LMNB1: variants seen among roughly 807,000 people sequenced by gnomAD.
LMNB1 encodes lamin-B1.
A neutral mutation model predicts 67.1 loss-of-function variants in LMNB1; 23 were observed. The ratio of observed to expected loss-of-function variants is 0.34; its 90% CI spans 0.25 to 0.49. The LOEUF (loss-of-function observed/expected upper bound fraction) is 0.49. LMNB1 is among the 20% of genes least tolerant of loss of function. The probability of loss-of-function intolerance (pLI) is 0.99; values close to 1 mark genes in which losing one functional copy is unlikely to be tolerated. For missense variants in LMNB1, 634 were observed against 746.5 expected, an observed-to-expected ratio of 0.85 and a Z score of 1.76; for synonymous variants, 281 against 282.9, an observed-to-expected ratio of 0.99 and a Z score of 0.07.
At chr5:126,778,274 C>G (rs1402915371) in intron 1 of LMNB1, among the ~76,000 whole-genome samples, 1 of 152,024 alleles carries the variant, frequency 6.6e-6, no homozygotes, top group Non-Finnish European at 1.5e-5. Context: ...AGTTTCCGGC[C>G]GGCGCGAGAC....
At chr5:126,805,908 G>A (rs1464229817) in intron 3 of LMNB1, among the ~76,000 whole-genome samples, 3 of 152,172 alleles carry the variant, frequency 2.0e-5, no homozygotes, top group Admixed American at 6.5e-5. Flanking sequence ...AACTCAAGCT[G>A]TTACCGTAAA....
At position 126,804,778 on chromosome 5, in the gene LMNB1, A is replaced by G; in HGVS notation, c.362A>G (p.Tyr121Cys). 1 of 1,613,748 alleles carries G rather than the reference A, an allele frequency of 6.2e-7. No individual in the cohort carries two copies. Among genetic ancestry groups the G allele is most frequent in the Non-Finnish European group, 8.5e-7 (1 of 1,179,830 alleles). ...TATGCTTTTTAAATCTGTTCCAGCTATGCTAAGAAGGAATCTGATCTTAAT... is the reference window on the plus strand; with the variant it reads ...TATGCTTTTTAAATCTGTTCCAGCTGTGCTAAGAAGGAATCTGATCTTAAT... ...KAEHDQLLLN[Y>C]AKKESDLNGA... Residue 121 changes from tyrosine (Y) to cysteine (C), a missense_variant and splice_region_variant, in exon 2 of 11, where the codon TAT (tyrosine) becomes TGT (cysteine). Transcript: ENST00000261366.
intron 9 of LMNB1, among the ~76,000 whole-genome samples, chr5:126,831,442 G>A (rs1244387577): frequency 6.6e-6 from 1 of 152,234 alleles, no homozygotes; most frequent in Non-Finnish European, 1.5e-5. Flanking sequence ...AATGGAAATA[G>A]TTGCTTTCTG....
At chr5:126,802,847 A>G (rs1231721103) in intron 1 of LMNB1, among the ~76,000 whole-genome samples, 1 of 152,170 alleles carries the variant, frequency 6.6e-6, no homozygotes, top group Non-Finnish European at 1.5e-5. Flanking sequence ...AATATATCCA[A>G]ATGAACTATA....
intron 9 of LMNB1, among the ~76,000 whole-genome samples, chr5:126,830,254 C>T (rs969999925): frequency 1.3e-5 from 2 of 152,224 alleles, no homozygotes; most frequent in Non-Finnish European, 2.9e-5. Context: ...CTGCACAGAT[C>T]AGTGCACCTT....
rs1476471948 is a variant in LMNB1, at chr5:126,820,831, GT to G, written c.1161-72del. On this transcript the variant is annotated intron_variant, in intron 6 of 10. Transcript: ENST00000261366. ...ACATGAGCCTCTGTGCCCAGCCCTT[GT>G]TTTTTTGTTTTTTTTTTTTTTAAGG... The G allele has an allele frequency of 1.5e-5, 16 of 1,098,968 alleles. No individual in the cohort carries two copies. In the African/African-American group the frequency reaches 1.7e-4, roughly 12 times the overall value. The allele number at this position is 1,098,968 out of a possible 1,614,324, so 68.1% of individuals were successfully genotyped here. A position where few individuals can be genotyped will look rare whatever the true frequency, so the allele number is the denominator to read the frequency against.
At chr5:126,835,938 C>A (rs939599179) in intron 10 of LMNB1, among the ~76,000 whole-genome samples, 6 of 152,062 alleles carry the variant, frequency 3.9e-5, no homozygotes, top group African/African-American at 1.4e-4. Flanking sequence ...CGCAGCTGCT[C>A]GGGAGGCTGA....
intron 4 of LMNB1, among the ~76,000 whole-genome samples, chr5:126,810,749 A>G (rs1003070747): frequency 1.3e-5 from 2 of 152,226 alleles, no homozygotes; most frequent in African/African-American, 4.8e-5. Context: ...CTTTCATGTC[A>G]TCATTGTGCA....
intron 1 of LMNB1, among the ~76,000 whole-genome samples, chr5:126,792,678 G>A (rs1197371518): frequency 6.8e-6 from 1 of 148,090 alleles, no homozygotes; most frequent in Non-Finnish European, 1.5e-5. Flanking sequence ...CCAGGTTCAA[G>A]CGTTTCTCCT....
intron 10 of LMNB1, among the ~76,000 whole-genome samples, chr5:126,834,258 C>G (rs1027394146): frequency 2.0e-5 from 3 of 151,150 alleles, no homozygotes; most frequent in Non-Finnish European, 2.9e-5. Context: ...CAGGCTGGAG[C>G]GCAGTGGCGC....
intron 10 of LMNB1, among the ~76,000 whole-genome samples, chr5:126,834,536 G>T (rs1000926874): frequency 5.9e-5 from 9 of 152,252 alleles, no homozygotes; most frequent in Admixed American, 5.9e-4. Flanking sequence ...CCACCTGTTG[G>T]TGGGAGGAAT....
chr5:126,796,237 A>G (rs1751088738), intron 1 of LMNB1, among the ~76,000 whole-genome samples: 2 of 152,012 alleles, frequency 1.3e-5, no homozygotes, highest in African/African-American at 4.8e-5. Context: ...CCCTGGATGC[A>G]TTTTTTAATC....
chr5:126,830,087 C>T (rs1228967647), intron 9 of LMNB1, among the ~76,000 whole-genome samples: 1 of 152,218 alleles, frequency 6.6e-6, no homozygotes, highest in African/African-American at 2.4e-5. Context: ...AATCATCTTT[C>T]GTCCACATAA....
intron 3 of LMNB1, among the ~76,000 whole-genome samples, chr5:126,807,531 T>G (rs1222914018): frequency 6.6e-6 from 1 of 152,242 alleles, no homozygotes; most frequent in Non-Finnish European, 1.5e-5. Flanking sequence ...CAAAGTGGAA[T>G]ACTGTGTGTG....
chr5:126,822,112 C>T (rs1264798815), intron 7 of LMNB1, among the ~76,000 whole-genome samples: 2 of 151,536 alleles, frequency 1.3e-5, no homozygotes, highest in Non-Finnish European at 2.9e-5. Context: ...TCTCCTGCCT[C>T]AGCCTCCTGA....
chr5:126,812,454 C>T (rs975514757), intron 5 of LMNB1, among the ~76,000 whole-genome samples: 2 of 152,146 alleles, frequency 1.3e-5, no homozygotes, highest in Admixed American at 6.5e-5. Flanking sequence ...GCATTATTGC[C>T]GGCTGTGTTG....
rs1395843896 is a variant in LMNB1 at position 126,804,779 on chromosome 5, T to C, written c.363T>C (p.Tyr121=). ...KAEHDQLLLN[Y]AKKESDLNGA... is the part of the protein sequence containing the mutation. Reference sequence around the variant, plus strand: ...ATGCTTTTTAAATCTGTTCCAGCTATGCTAAGAAGGAATCTGATCTTAATG... The same window carrying C: ...ATGCTTTTTAAATCTGTTCCAGCTACGCTAAGAAGGAATCTGATCTTAATG... The change falls in exon 2 of 11, where the codon TAT becomes TAC. Residue 121 remains tyrosine, a synonymous_variant. Transcript: ENST00000261366. 1 of 1,613,766 alleles carries C rather than the reference T, an allele frequency of 6.2e-7. No homozygotes were observed. Among genetic ancestry groups the C allele is most frequent in the African/African-American group, 1.3e-5 (1 of 75,014 alleles).
At chr5:126,832,636 TC>T in intron 9 of LMNB1, 57 bp from the exon 10 acceptor site, 1 of 1,226,256 alleles carries the variant, frequency 8.2e-7, no homozygotes, top group Non-Finnish European at 1.2e-6. Flanking sequence ...AAGGTCCCTC[TC>T]CCCCGCATTT....
chr5:126,789,100 C>T lies in LMNB1; in HGVS notation c.359+11233C>T, dbSNP rs548638245. ...AGAGGGTTTTGCCATGTTTCCCAGG[C>T]TGGTCTTGAACTTTGAGCTCAAGCA... On this transcript the variant is annotated intron_variant, in intron 1 of 10. Transcript: ENST00000261366. Among the ~76,000 whole-genome samples the T allele has an allele frequency of 1.4e-4, 22 of 152,010 alleles. 1 individual carries two copies. The South Asian group carries it at 4.1e-3, about 29-fold the overall frequency.
Sources: gnomAD v4.1 joint callset for allele counts (sites outside exome capture counted in the v4.1 genomes callset) on GRCh38, gnomAD v4.1.1 for gene constraint, MANE v1.5 for transcripts, NCBI Gene and HGNC (gene_info 2026-07-23, HGNC 2026-07-21) for gene names.